BTG4: variants seen among roughly 807,000 people sequenced by gnomAD.
BTG4 encodes BTG anti-proliferation factor 4, also known as protein BTG4.
A neutral mutation model predicts 19.3 loss-of-function variants in BTG4; 10 were observed. That is an observed-to-expected ratio of 0.52 (90% CI 0.32 to 0.88). BTG4 has a LOEUF of 0.88. BTG4 is among the 40% of genes least tolerant of loss of function. BTG4 has a pLI of 0.04. For missense variants in BTG4, 238 were observed against 281.9 expected (o/e 0.84, Z 1.11); for synonymous variants, 91 against 95.7 (o/e 0.95, Z 0.29).
At chr11:111,409,117 A>G in the BTG4 span, among the ~76,000 whole-genome samples, 1 of 152,250 alleles carries the variant, frequency 6.6e-6, no homozygotes, top group African/African-American at 2.4e-5. Flanking sequence ...ACAGAAAATC[A>G]AAGAAGCTCC....
At chr11:111,455,524 C>T in the BTG4 span, 1 of 248,516 alleles carries the variant, frequency 4.0e-6, no homozygotes, top group East Asian at 9.3e-5. Flanking sequence ...CAGTGGGCCT[C>T]TTTCTGCTCG....
the BTG4 span, among the ~76,000 whole-genome samples, chr11:111,411,167 C>T: frequency 2.6e-5 from 4 of 152,250 alleles, no homozygotes; most frequent in Non-Finnish European, 4.4e-5. Flanking sequence ...GTTTCCCATC[C>T]CACTTGGGCG....
At chr11:111,447,372 C>G in the BTG4 span, among the ~76,000 whole-genome samples, 1 of 152,218 alleles carries the variant, frequency 6.6e-6, no homozygotes, top group Non-Finnish European at 1.5e-5. Flanking sequence ...TCTCCAACAT[C>G]CTTTCTAAAG....
chr11:111,478,736 T>A (rs903637112), intron 5 of BTG4, among the ~76,000 whole-genome samples: 8 of 151,976 alleles, frequency 5.3e-5, no homozygotes, highest in African/African-American at 1.9e-4. Flanking sequence ...GCTTCGTGAA[T>A]AGGCTCAACA....
chr11:111,388,063 A>C, the BTG4 span, among the ~76,000 whole-genome samples: 1 of 152,216 alleles, frequency 6.6e-6, no homozygotes, highest in Non-Finnish European at 1.5e-5. Context: ...TTTGTGCTGG[A>C]AATAATGTTA....
chr11:111,512,062 G>C (rs1406174878), intron 1 of BTG4, 119 bp downstream of exon 1: 1 of 152,152 alleles, frequency 6.6e-6, no homozygotes, highest in African/African-American at 2.4e-5. Flanking sequence ...AGAGTATAAG[G>C]CCAAGTCCCC....
At chr11:111,449,004 C>G in the BTG4 span, among the ~76,000 whole-genome samples, 19,567 of 152,150 alleles carry the variant, frequency 0.13, 1,372 homozygotes, top group Admixed American at 0.18. Context: ...TTGCCACGAT[C>G]ACTTCCAAAA....
intron 5 of BTG4, among the ~76,000 whole-genome samples, chr11:111,474,901 T>C (rs531960747): frequency 6.6e-6 from 1 of 152,274 alleles, no homozygotes; most frequent in African/African-American, 2.4e-5. Flanking sequence ...CTGAGTGTTT[T>C]TCATGTTGAT....
chr11:111,475,635 G>C (rs1419424207), intron 5 of BTG4, among the ~76,000 whole-genome samples: 2 of 151,884 alleles, frequency 1.3e-5, no homozygotes, highest in African/African-American at 4.8e-5. Context: ...CATGAATTTA[G>C]GTTAAAAAAA....
At chr11:111,496,603 C>A (rs1865747045) in intron 4 of BTG4, 1 of 152,132 alleles carries the variant, frequency 6.6e-6, no homozygotes, top group East Asian at 1.9e-4. Context: ...TTAACAAATT[C>A]TCTCTAGATC....
the BTG4 span, among the ~76,000 whole-genome samples, chr11:111,448,189 G>A: frequency 3.3e-5 from 5 of 152,180 alleles, no homozygotes; most frequent in Admixed American, 6.5e-5. Context: ...GAGACGCCTC[G>A]TGCAAAAGAA....
intron 5 of BTG4, chr11:111,475,289 G>A (rs981979798): frequency 1.3e-5 from 2 of 152,066 alleles, no homozygotes; most frequent in Non-Finnish European, 2.9e-5. Flanking sequence ...AGAGGTTGAG[G>A]ACCCCTGCTC....
chr11:111,514,251 G>A (rs1282511181), upstream of BTG4: 2 of 159,162 alleles, frequency 1.3e-5, no homozygotes, highest in Non-Finnish European at 2.8e-5. Context: ...AAGATTTAAA[G>A]GATTCAGAAT....
At chr11:111,442,211 C>G in the BTG4 span, among the ~76,000 whole-genome samples, 1 of 151,640 alleles carries the variant, frequency 6.6e-6, no homozygotes, top group African/African-American at 2.4e-5. Flanking sequence ...AGGAAATATA[C>G]GAGATGAGAT....
chr11:111,437,211 T>G, the BTG4 span, among the ~76,000 whole-genome samples: 1 of 151,976 alleles, frequency 6.6e-6, no homozygotes, highest in Admixed American at 6.6e-5. Flanking sequence ...TTCTTTGGCT[T>G]CCATCCACTA....
At chr11:111,476,617 G>T (rs1010831090) in intron 5 of BTG4, among the ~76,000 whole-genome samples, 3 of 152,060 alleles carry the variant, frequency 2.0e-5, no homozygotes, top group African/African-American at 7.2e-5. Context: ...TTAGTCATCA[G>T]GTAAGTACCA....
downstream of BTG4, among the ~76,000 whole-genome samples, chr11:111,492,470 A>C (rs770302358): frequency 6.6e-6 from 1 of 152,222 alleles, no homozygotes; most frequent in Non-Finnish European, 1.5e-5. Context: ...CCTAGAACAC[A>C]ATACTTCTTA....
intron 5 of BTG4, among the ~76,000 whole-genome samples, chr11:111,468,361 G>A (rs532775135): frequency 3.9e-5 from 6 of 152,198 alleles, no homozygotes; most frequent in Non-Finnish European, 8.8e-5. Flanking sequence ...TCTCATTTAC[G>A]ACTCACAACA....
exon 6 of BTG4, chr11:111,467,553 T>A: frequency 1.5e-6 from 1 of 671,390 alleles, no homozygotes; most frequent in Non-Finnish European, 2.7e-6. Context: ...TTTATTCTTT[T>A]CAGGCTCCAG....
Sources: gnomAD v4.1 joint callset for allele counts (sites outside exome capture counted in the v4.1 genomes callset) on GRCh38, gnomAD v4.1.1 for gene constraint, MANE v1.5 for transcripts, NCBI Gene and HGNC (gene_info 2026-07-23, HGNC 2026-07-21) for gene names.